The following CSNK1G1 variants were observed in gnomAD, a reference collection of about 807,000 sequenced individuals.
CSNK1G1 encodes casein kinase 1 gamma 1, also known as casein kinase I isoform gamma-1.
Under a neutral mutation model 59.6 loss-of-function variants are expected in CSNK1G1, and 22 were observed. The observed-to-expected ratio is 0.37, with a 90% CI of 0.26 to 0.53. The LOEUF (loss-of-function observed/expected upper bound fraction) is 0.53. Ranked by LOEUF, CSNK1G1 falls within the 20% of genes least tolerant of loss-of-function variation. The probability of loss-of-function intolerance (pLI) is 0.89; values close to 1 mark genes in which losing one functional copy is unlikely to be tolerated. For missense variants in CSNK1G1, 384 were observed against 519.5 expected (o/e 0.74, Z 2.54); for synonymous variants, 179 against 177.1 (o/e 1.01, Z -0.08).
In CSNK1G1 at chr15:64,351,797, T is replaced by C. The variant is rs560465821; in HGVS notation, c.-225+4191A>G. Among the ~76,000 whole-genome samples the C allele has an allele frequency of 1.4e-3, 217 of 152,216 alleles. 4 individuals carry two copies. Among genetic ancestry groups the C allele is most frequent in the Non-Finnish European group, 1.6e-3 (110 of 68,016 alleles). ...GGGAGACTGAGGCAGGAGGGGCGCT[T>C]GAACCTGAGGGGCAGAGGCTGCAGT... On this transcript the variant is annotated intron_variant, in intron 1 of 11. Coordinates refer to ENST00000303052, the MANE Select transcript of CSNK1G1 (RefSeq NM_022048.5).
At chr15:64,319,636 C>A (rs1025621754) in intron 1 of CSNK1G1, among the ~76,000 whole-genome samples, 1 of 152,060 alleles carries the variant, frequency 6.6e-6, no homozygotes. Context: ...CCTCTGCCTC[C>A]CAGGTTCAAG....
intron 10 of CSNK1G1, chr15:64,189,448 A>G: frequency 3.1e-6 from 4 of 1,291,656 alleles, no homozygotes; most frequent in Non-Finnish European, 4.0e-6. Flanking sequence ...AGTTGTTAAC[A>G]TCATAATGCT....
At chr15:64,276,769 C>A (rs1302791185) in intron 2 of CSNK1G1, among the ~76,000 whole-genome samples, 1 of 151,902 alleles carries the variant, frequency 6.6e-6, no homozygotes, top group Non-Finnish European at 1.5e-5. Context: ...CACAGTGAAA[C>A]CCTGTCTCTA....
intron 2 of CSNK1G1, among the ~76,000 whole-genome samples, chr15:64,263,822 C>CAAAA (rs869123397): frequency 1.3e-4 from 7 of 53,790 alleles, no homozygotes; most frequent in East Asian, 6.3e-4. Flanking sequence ...TTTTGTTTAC[C>CAAAA]AAAAAAAAAA....
chr15:64,292,225 A>G (rs1894783457), intron 2 of CSNK1G1, among the ~76,000 whole-genome samples: 1 of 152,052 alleles, frequency 6.6e-6, no homozygotes, highest in African/African-American at 2.4e-5. Flanking sequence ...AAAAAAAAAA[A>G]AGTTCCAATT....
chr15:64,238,518 AATATATAT>A (rs1212005568), intron 4 of CSNK1G1, among the ~76,000 whole-genome samples: 8 of 49,244 alleles, frequency 1.6e-4, no homozygotes, highest in African/African-American at 7.0e-4. Flanking sequence ...AAAAAAAAAA[AATATATAT>A]ATATATATAT....
intron 2 of CSNK1G1, among the ~76,000 whole-genome samples, chr15:64,263,051 C>T (rs1049637042): frequency 2.8e-5 from 4 of 145,086 alleles, no homozygotes; most frequent in African/African-American, 1.1e-4. Context: ...TGCACTCCAG[C>T]CTGGGCAACA....
chr15:64,269,139 TG>T (rs1191047298), intron 2 of CSNK1G1, among the ~76,000 whole-genome samples: 2 of 152,246 alleles, frequency 1.3e-5, no homozygotes, highest in East Asian at 3.8e-4. Context: ...TTTATTTCAA[TG>T]TTTAACATTA....
rs1489611756 is a variant in CSNK1G1, at chr15:64,167,659, A to T, written c.*4272T>A. 6.5e-6 allele frequency: 1 copy of T among 152,684 alleles called. No individual in the cohort carries two copies. Among genetic ancestry groups the T allele is most frequent in the Non-Finnish European group, 1.5e-5 (1 of 68,072 alleles). 9.5% of individuals were successfully genotyped at this position (152,684 alleles called of 1,614,324 possible). A position where few individuals can be genotyped will look rare whatever the true frequency, so the allele number is the denominator to read the frequency against. On this transcript the variant is annotated 3_prime_UTR_variant, in exon 12 of 12. Transcript: ENST00000303052. ...CTCCCAATCTGAGAAACGAACCTTA[A>T]TATGGTTCTGACACTGGAGACAATG... is the stretch of plus-strand genomic sequence containing the variant.
At chr15:64,336,452 T>C (rs929442283) in intron 1 of CSNK1G1, among the ~76,000 whole-genome samples, 22 of 152,206 alleles carry the variant, frequency 1.4e-4, no homozygotes, top group African/African-American at 3.9e-4. Flanking sequence ...ACATGCTTAA[T>C]TGATAAATTT....
intron 11 of CSNK1G1, among the ~76,000 whole-genome samples, chr15:64,175,525 G>C (rs2081731415): frequency 6.6e-6 from 1 of 152,106 alleles, no homozygotes. Context: ...ATGGATTCTT[G>C]AGGGCTTCTC....
rs1315114275 is a variant in CSNK1G1 at position 64,188,955 on chromosome 15, G to C, written c.1108-8501C>G. Among the ~76,000 whole-genome samples, 1 of 152,086 alleles carries C rather than the reference G, an allele frequency of 6.6e-6. No homozygotes were observed. The highest frequency in any genetic ancestry group is 1.5e-5 in the Non-Finnish European group (1 of 68,014). On this transcript the variant is annotated intron_variant, in intron 10 of 11. Coordinates refer to ENST00000303052, the MANE Select transcript of CSNK1G1 (RefSeq NM_022048.5). This position sits in a 1 kb window ranked among gnomAD's most constrained non-coding sequence, Gnocchi z 4.2. ...AGCCTGACCAACATGGTGAAAGCCT[G>C]TCTCTACTAAAATTACAAAAATGAG...
At chr15:64,279,711 C>T (rs1057070273) in intron 2 of CSNK1G1, among the ~76,000 whole-genome samples, 5 of 152,196 alleles carry the variant, frequency 3.3e-5, no homozygotes, top group Non-Finnish European at 7.4e-5. Context: ...CAGTGGCTCA[C>T]GCCTGTAATC....
At chr15:64,183,409 A>C (rs1567359427) in intron 10 of CSNK1G1, among the ~76,000 whole-genome samples, 1 of 152,230 alleles carries the variant, frequency 6.6e-6, no homozygotes, top group Non-Finnish European at 1.5e-5. Flanking sequence ...TAAGACTTAA[A>C]GGCTACACAT....
chr15:64,272,343 G>A (rs1349543787), intron 2 of CSNK1G1, among the ~76,000 whole-genome samples: 1 of 151,876 alleles, frequency 6.6e-6, no homozygotes, highest in African/African-American at 2.4e-5. Context: ...AGCCTCCTCA[G>A]TAGCTGGGAT....
At chr15:64,299,648 C>T (rs1895219385) in intron 2 of CSNK1G1, among the ~76,000 whole-genome samples, 1 of 151,770 alleles carries the variant, frequency 6.6e-6, no homozygotes, top group African/African-American at 2.4e-5. Context: ...TCTTCCCAAT[C>T]TCACATTTTT....
chr15:64,335,256 T>C (rs1321300315), intron 1 of CSNK1G1, among the ~76,000 whole-genome samples: 2 of 152,114 alleles, frequency 1.3e-5, no homozygotes, highest in Non-Finnish European at 2.9e-5. Context: ...CATAACCTTA[T>C]CTGAGAAGAT....
At chr15:64,186,406 C>T (rs1334623498) in intron 10 of CSNK1G1, among the ~76,000 whole-genome samples, 3 of 152,228 alleles carry the variant, frequency 2.0e-5, no homozygotes, top group African/African-American at 7.2e-5. Flanking sequence ...CTATTGCACA[C>T]AGCTGCTACT....
intron 3 of CSNK1G1, among the ~76,000 whole-genome samples, chr15:64,257,427 T>G (rs891475345): frequency 3.3e-5 from 5 of 152,078 alleles, no homozygotes; most frequent in Non-Finnish European, 7.4e-5. Context: ...TTATTCCAAC[T>G]TATCAGAATA....
Sources: gnomAD v4.1 joint callset for allele counts (sites outside exome capture counted in the v4.1 genomes callset) on GRCh38, gnomAD v4.1.1 for gene constraint, Gnocchi (gnomAD v3.1) non-coding constraint, MANE v1.5 for transcripts, NCBI Gene and HGNC (gene_info 2026-07-23, HGNC 2026-07-21) for gene names.